Variants in CIAO3 observed in about 807,000 individuals in gnomAD.
CIAO3 encodes the protein cytosolic iron-sulfur assembly component 3, also known as LET1 like/JFP15.
Under a neutral mutation model 51.5 loss-of-function variants are expected in CIAO3, and 45 were observed. The observed-to-expected ratio is 0.87, with a 90% CI of 0.69 to 1.12. CIAO3 has a LOEUF of 1.12. Ranked by LOEUF, CIAO3 falls within the 50% of genes most tolerant of loss-of-function variation. The pLI, the probability that CIAO3 is intolerant of heterozygous loss-of-function variation, is 0.00. For synonymous variants in CIAO3, 314 were observed against 269.3 expected (o/e 1.17, Z -1.63); for missense variants, 668 against 632.5 (o/e 1.06, Z -0.60).
At chr16:730,800 C>T (rs2041268484) in intron 10 of CIAO3, 43 bp downstream of exon 10, 3 of 1,604,674 alleles carry the variant, frequency 1.9e-6, no homozygotes, top group Non-Finnish European at 2.6e-6. Flanking sequence ...CACAGCTCTG[C>T]TCCCAGAAGG....
chr16:733,531 CAG>C, intron 6 of CIAO3, 104 bp from the exon 7 acceptor site: 1 of 1,526,966 alleles, frequency 6.5e-7, no homozygotes. Flanking sequence ...CCCCGAGGGA[CAG>C]TGAGCCTCAC....
At chr16:731,135 G>A in intron 9 of CIAO3, 135 bp from the exon 10 acceptor site, 2 of 1,155,884 alleles carry the variant, frequency 1.7e-6, no homozygotes, top group Non-Finnish European at 2.4e-6. Context: ...TGGGCAGAGG[G>A]AAGGACAAGA....
intron 2 of CIAO3, chr16:738,329 C>G: frequency 2.1e-6 from 2 of 962,728 alleles, no homozygotes; most frequent in Non-Finnish European, 2.5e-6. Flanking sequence ...AAATGGCAGA[C>G]AGGTGAATTT....
chr16:734,922 G>A (rs751688743), intron 4 of CIAO3, 51 bp from the exon 5 acceptor site: 29 of 1,495,922 alleles, frequency 1.9e-5, no homozygotes, highest in African/African-American at 1.3e-4. Flanking sequence ...ACGCCCACAC[G>A]AGCACACGCC....
intron 4 of CIAO3, 81 bp downstream of exon 4, chr16:736,185 C>T (rs2041335189): frequency 1.3e-6 from 2 of 1,568,334 alleles, no homozygotes; most frequent in Non-Finnish European, 1.7e-6. Flanking sequence ...GTGTCAGTGA[C>T]TCAGAGGCGC....
intron 4 of CIAO3, chr16:735,076 T>C: frequency 1.6e-6 from 1 of 607,898 alleles, no homozygotes; most frequent in South Asian, 3.0e-5. Context: ...TAAAGCCACG[T>C]TGCCTCGGCA....
chr16:734,300 G>T lies in CIAO3; in HGVS notation c.622C>A (p.His208Asn), dbSNP rs147919065. Residue 208 changes from histidine to asparagine, a missense_variant, in exon 6 of 11, where the codon CAC becomes AAC. Physicochemically the swap from His to Asn is moderately conservative, Grantham distance 68. Coordinates refer to ENST00000251588, the MANE Select transcript of CIAO3 (RefSeq NM_022493.3). ...EKTHGSFILP[H>N]ISTARSPQQV... ...TGCGGGGACCGGGCGGTGCTGATGTGGGGGAGGATGAAGCTGCCGTGAGTC... is the reference window on the plus strand; with the variant it reads ...TGCGGGGACCGGGCGGTGCTGATGTTGGGGAGGATGAAGCTGCCGTGAGTC... The T allele has an allele frequency of 3.0e-5, 48 of 1,611,916 alleles. 1 individual carries two copies. In the South Asian group the frequency reaches 4.1e-4, roughly 14 times the overall value.
At chr16:736,782 G>A (rs887203845) in intron 3 of CIAO3, among the ~76,000 whole-genome samples, 5 of 152,134 alleles carry the variant, frequency 3.3e-5, no homozygotes, top group African/African-American at 1.2e-4. Flanking sequence ...TCCTGCCTCA[G>A]CCTCTCTAGT....
At chr16:734,511 G>A (rs745324317) in intron 5 of CIAO3, 164 bp from the exon 6 acceptor site, 19 of 880,246 alleles carry the variant, frequency 2.2e-5, no homozygotes, top group Non-Finnish European at 2.9e-5. Flanking sequence ...GGAGCTCGGC[G>A]TGCAGGCGAC....
At chr16:733,740 G>A (rs1035005561) in intron 6 of CIAO3, 33 of 415,390 alleles carry the variant, frequency 7.9e-5, no homozygotes, top group South Asian at 1.3e-4. Flanking sequence ...CGGATGTCAC[G>A]GGGGAACCAA....
chr16:739,129 C>T (rs945720897), intron 2 of CIAO3, among the ~76,000 whole-genome samples: 1 of 151,494 alleles, frequency 6.6e-6, no homozygotes, highest in Non-Finnish European at 1.5e-5. Flanking sequence ...AACCCCGTCT[C>T]TACTAAAAAT....
At chr16:731,285 G>T in intron 9 of CIAO3, 1 of 608,918 alleles carries the variant, frequency 1.6e-6, no homozygotes. Flanking sequence ...ATGTGGTCGC[G>T]TGCCTGCGCC....
intron 2 of CIAO3, among the ~76,000 whole-genome samples, chr16:739,063 C>G (rs2151604547): frequency 1.3e-5 from 2 of 150,906 alleles, no homozygotes. Flanking sequence ...TTTGGGAGGC[C>G]AAGGCGGGTG....
At chr16:734,202 A>C (rs372611512) in intron 6 of CIAO3, 27 bp downstream of exon 6, 1 of 1,597,350 alleles carries the variant, frequency 6.3e-7, no homozygotes, top group Non-Finnish European at 8.6e-7. Context: ...CCCCAGCCTG[A>C]GTCTGGGGCT....
In CIAO3 at chr16:730,832, G is replaced by A. The variant is rs1442359638; in HGVS notation, c.1192+11C>T. 1 of 1,612,194 alleles carries A rather than the reference G, an allele frequency of 6.2e-7. No individual in the cohort carries two copies. The highest frequency in any genetic ancestry group is 1.1e-5 in the South Asian group (1 of 91,086). On this transcript the variant is annotated intron_variant, in intron 10 of 10. Coordinates refer to ENST00000251588, the MANE Select transcript of CIAO3 (RefSeq NM_022493.3). ...AAGGGGTCCTCGTGTCCTGTCCCTT[G>A]CAGGAGCTACCTGAGGGGCAGGCCA...
At chr16:730,747 T>C (rs965128940) in intron 10 of CIAO3, 92 bp from the exon 11 acceptor site, 50 of 1,579,296 alleles carry the variant, frequency 3.2e-5, no homozygotes, top group Non-Finnish European at 4.1e-5. Flanking sequence ...GGGCCCCCTC[T>C]GTGCCCCACT....
In CIAO3 at chr16:740,971, GA is replaced by G; in HGVS notation, c.14del (p.Phe5SerfsTer7). The G allele has an allele frequency of 1.3e-6, 2 of 1,513,928 alleles. No individual in the cohort carries two copies. The highest frequency in any genetic ancestry group is 1.8e-6 in the Non-Finnish European group (2 of 1,134,536). 93.8% of individuals were successfully genotyped at this position (1,513,928 alleles called of 1,614,324 possible). On this transcript the variant is annotated frameshift_variant, in exon 1 of 11. Coordinates refer to ENST00000251588, the MANE Select transcript of CIAO3 (RefSeq NM_022493.3). LOFTEE classifies it high-confidence loss of function. ...GGTCCGTCAGCTGCAGCGCCCCGCT[GA>G]AGGGCGACGCCATGACGGCCGCACT... MASPFSGALQLTDLD... is the reference protein window; with the variant it reads MASPXSGALQLTDLD...
At chr16:739,910 C>T in intron 1 of CIAO3, 172 bp from the exon 2 acceptor site, 3 of 1,277,092 alleles carry the variant, frequency 2.3e-6, no homozygotes, top group Non-Finnish European at 2.2e-6. Flanking sequence ...CTGCTCTCAC[C>T]CAGGGATCGG....
Position 736,302 on chromosome 16 carries a change from T to C in CIAO3, c.403A>G (p.Thr135Ala). 1 of 1,613,020 alleles carries C rather than the reference T, an allele frequency of 6.2e-7. No individual in the cohort carries two copies. The highest frequency in any genetic ancestry group is 8.5e-7 in the Non-Finnish European group (1 of 1,179,798). The change falls in exon 4 of 11, where the codon ACT becomes GCT. Residue 135 changes from threonine (T) to alanine (A), a missense_variant. By Grantham distance (58) the Thr-to-Ala change is moderately conservative (BLOSUM62 0). Transcript: ENST00000251588. ...AARFQLNPTD[T>A]ARKLTSFFKK... ...AAGAATGAGGTTAATTTCCTGGCAG[T>C]ATCTGTAGGATTCAGCTGAAACCGT... is the stretch of plus-strand genomic sequence containing the variant.
Sources: gnomAD v4.1 joint callset for allele counts (sites outside exome capture counted in the v4.1 genomes callset) on GRCh38, gnomAD v4.1.1 for gene constraint, MANE v1.5 for transcripts, NCBI Gene and HGNC (gene_info 2026-07-23, HGNC 2026-07-21) for gene names.